The following RNF207 variants were observed in gnomAD, a reference collection of about 807,000 sequenced individuals.
RNF207 encodes ring finger protein 207, also known as OTTHUMG00000001089.
Under a neutral mutation model 79.0 loss-of-function variants are expected in RNF207, and 72 were observed. That is an observed-to-expected ratio of 0.91 (90% CI 0.75 to 1.11). The LOEUF is 1.11. Among genes scored for constraint, RNF207 ranks in the 50% least tolerant of loss-of-function variants. RNF207 has a pLI of 0.00. For synonymous variants in RNF207, 348 were observed against 366.2 expected, an observed-to-expected ratio of 0.95 and a Z score of 0.57; for missense variants, 936 against 855.8, an observed-to-expected ratio of 1.09 and a Z score of -1.17.
At chr1:6,208,562 C>G (rs912829763) in intron 3 of RNF207, 1 of 331,080 alleles carries the variant, frequency 3.0e-6, no homozygotes, top group East Asian at 7.3e-5. Context: ...CCGCCTCGGC[C>G]TCCCAAATTG....
Position 6,213,198 on chromosome 1 carries a change from G to A in RNF207, c.1652+15G>A, listed in dbSNP as rs1178373346. 5.2e-6 allele frequency: 8 copies of A among 1,531,882 alleles called. No individual in the cohort carries two copies. In the South Asian group the frequency reaches 5.6e-5, roughly 11 times the overall value. 94.9% of individuals were successfully genotyped at this position (1,531,882 alleles called of 1,614,324 possible). ...CTGGAGCCCAGGTGAGGCCAAGGGG[G>A]TGTTCCCAGGGCCACTGAGACTCTT... On this transcript the variant is annotated intron_variant, in intron 16 of 17. Transcript: ENST00000377939.
At chr1:6,218,405 G>T in intron 17 of RNF207, 36 bp downstream of exon 17, 1 of 1,492,018 alleles carries the variant, frequency 6.7e-7, no homozygotes. Flanking sequence ...GTGTGCACGC[G>T]ATGTGGCTTC....
At chr1:6,215,085 A>G (rs1327004827) in intron 16 of RNF207, among the ~76,000 whole-genome samples, 4 of 149,584 alleles carry the variant, frequency 2.7e-5, no homozygotes, top group African/African-American at 4.9e-5. Context: ...CTGGAGTGCA[A>G]TGATGTGATC....
At chr1:6,212,507 C>CT in intron 14 of RNF207, 91 bp downstream of exon 14, 1 of 1,349,698 alleles carries the variant, frequency 7.4e-7, no homozygotes, top group Non-Finnish European at 1.0e-6. Context: ...AGGACCTGGC[C>CT]TGTACCCCAC....
intron 1 of RNF207, 47 bp downstream of exon 1, chr1:6,206,349 C>G (rs1667897519): frequency 1.7e-6 from 1 of 579,354 alleles, no homozygotes; most frequent in East Asian, 3.0e-5. Flanking sequence ...GCCTGTTCTC[C>G]CTGCGCCGGG....
In RNF207 at chr1:6,211,230, C is replaced by A. The variant is rs1358201129; in HGVS notation, c.1109+112C>A. On this transcript the variant is annotated intron_variant, in intron 12 of 17. Coordinates refer to ENST00000377939, the MANE Select transcript of RNF207 (RefSeq NM_207396.3). This position sits in a 1 kb window ranked among gnomAD's most constrained non-coding sequence, Gnocchi z 4.2. ...AAGAAGCCAGGTGCCACCATTCCTT[C>A]CTCCGTCCTTAGCTCGCCACCCTCC... The A allele has an allele frequency of 1.4e-6, 1 of 726,266 alleles. No homozygotes were observed. Among genetic ancestry groups the A allele is most frequent in the East Asian group, 2.7e-5 (1 of 36,832 alleles). 45.0% of individuals were successfully genotyped at this position (726,266 alleles called of 1,614,324 possible).
At position 6,215,116 on chromosome 1, in the gene RNF207, C is replaced by T. The variant is rs545233094; in HGVS notation, c.1652+1933C>T. ...TGATCTTGGCTAACCACAACCTCCGCCTACTTGGTTCAAGCCATTCTCCAG... is the reference window on the plus strand; with the variant it reads ...TGATCTTGGCTAACCACAACCTCCGTCTACTTGGTTCAAGCCATTCTCCAG... On this transcript the variant is annotated intron_variant, in intron 16 of 17. Coordinates refer to ENST00000377939, the MANE Select transcript of RNF207 (RefSeq NM_207396.3). Among the ~76,000 whole-genome samples, 6 of 151,694 alleles carry T rather than the reference C, an allele frequency of 4.0e-5. No individual in the cohort carries two copies. In the East Asian group the frequency reaches 1.2e-3, roughly 30 times the overall value.
At position 6,212,417 on chromosome 1, in the gene RNF207, G is replaced by T. The variant is rs375144532; in HGVS notation, c.1482+1G>T. ...GGGCATGAGGGTCGTCTTCCAGGAG[G>T]TAGCCCTCCCAAGGACTCTAACTCC... On this transcript the variant is annotated splice_donor_variant, in intron 14 of 17. Transcript: ENST00000377939. LOFTEE classifies it high-confidence loss of function. 6.2e-7 allele frequency: 1 copy of T among 1,605,536 alleles called. No homozygotes were observed. The highest frequency in any genetic ancestry group is 1.3e-5 in the African/African-American group (1 of 74,766).
At chr1:6,210,190 C>T (rs1255260639) in intron 8 of RNF207, 33 bp from the exon 9 acceptor site, 23 of 1,577,930 alleles carry the variant, frequency 1.5e-5, no homozygotes, top group African/African-American at 2.7e-5. Context: ...CTGCTCCTGG[C>T]CCCCTGGAAA....
At chr1:6,213,245 G>A in intron 16 of RNF207, 62 bp downstream of exon 16, 2 of 1,114,124 alleles carry the variant, frequency 1.8e-6, no homozygotes, top group South Asian at 1.3e-5. Flanking sequence ...TGGGGGCTGG[G>A]TGCGGTGGCT....
intron 16 of RNF207, among the ~76,000 whole-genome samples, chr1:6,215,611 C>T (rs1668337335): frequency 6.6e-6 from 1 of 152,056 alleles, no homozygotes; most frequent in African/African-American, 2.4e-5. Flanking sequence ...TTTATTTTTT[C>T]CTTTTGGAAT....
At position 6,212,749 on chromosome 1, in the gene RNF207, C is replaced by A. The variant is rs1668227361; in HGVS notation, c.1534+16C>A. On this transcript the variant is annotated intron_variant, in intron 15 of 17. Transcript: ENST00000377939. Reference sequence around the variant, plus strand: ...ATTTATGAAGGTTCCAGACAGTTGGCTGCCGAGTGAACCCTCTGTCCCTGA... The same window carrying A: ...ATTTATGAAGGTTCCAGACAGTTGGATGCCGAGTGAACCCTCTGTCCCTGA... 3 of 1,607,342 alleles carry A rather than the reference C, an allele frequency of 1.9e-6. No homozygotes were observed. Among genetic ancestry groups the A allele is most frequent in the Admixed American group, 3.3e-5 (2 of 59,990 alleles).
At position 6,212,254 on chromosome 1, in the gene RNF207, C is replaced by T. The variant is rs1156749539; in HGVS notation, c.1320C>T (p.Ser440=). 2.4e-5 allele frequency: 39 copies of T among 1,613,290 alleles called. No individual in the cohort carries two copies. The highest frequency in any genetic ancestry group is 3.3e-5 in the Non-Finnish European group (39 of 1,179,736). ...AGCACCTGCAGGCAGAGATGCAGAG[C>T]CTAAAGGACCAGGTACAGGAGCTGC... is the stretch of plus-strand genomic sequence containing the variant. The part of the protein sequence containing the change: ...SYRHLQAEMQ[S]LKDQVQELHR... Residue 440 remains serine, a synonymous_variant, in exon 14 of 18, where the codon AGC becomes AGT. Coordinates refer to ENST00000377939, the MANE Select transcript of RNF207 (RefSeq NM_207396.3).
rs1449108736 is a variant in RNF207 at position 6,212,404 on chromosome 1, C to T, written c.1470C>T (p.Val490=). The T allele has an allele frequency of 4.4e-6, 7 of 1,609,014 alleles. No homozygotes were observed. The highest frequency in any genetic ancestry group is 1.3e-5 in the African/African-American group (1 of 74,778). ...ACGCCTCCTTAGAGGGCATGAGGGTCGTCTTCCAGGAGGTAGCCCTCCCAA... is the reference window on the plus strand; with the variant it reads ...ACGCCTCCTTAGAGGGCATGAGGGTTGTCTTCCAGGAGGTAGCCCTCCCAA... ...SEHASLEGMR[V]VFQEIWEEAY... Residue 490 remains valine (V), a synonymous_variant, in exon 14 of 18, where the codon GTC becomes GTT. Coordinates refer to ENST00000377939, the MANE Select transcript of RNF207 (RefSeq NM_207396.3).
In RNF207 at chr1:6,211,918, C is replaced by T. The variant is rs1668182490; in HGVS notation, c.1161C>T (p.Ser387=). 6.4e-7 allele frequency: 1 copy of T among 1,551,104 alleles called. No homozygotes were observed. The highest frequency in any genetic ancestry group is 8.7e-7 in the Non-Finnish European group (1 of 1,147,470). ...PKALTGPHCP[S]PVGKMSGSPV... ...CGCTGACGGGGCCCCACTGCCCCTCCCCAGTAGGAAAGATGTCGGGGTCAC... is the reference window on the plus strand; with the variant it reads ...CGCTGACGGGGCCCCACTGCCCCTCTCCAGTAGGAAAGATGTCGGGGTCAC... Residue 387 remains serine, a synonymous_variant, in exon 13 of 18, where the codon TCC becomes TCT. Coordinates refer to ENST00000377939, the MANE Select transcript of RNF207 (RefSeq NM_207396.3). This position sits in a 1 kb window ranked among gnomAD's most constrained non-coding sequence, Gnocchi z 4.2.
rs747273582 is a variant in RNF207, at chr1:6,206,589, G to A, written c.54G>A (p.Pro18=). 3.8e-5 allele frequency: 61 copies of A among 1,604,014 alleles called. No homozygotes were observed. In the South Asian group the frequency reaches 5.9e-4, roughly 16 times the overall value. The change falls in exon 2 of 18, where the codon CCG becomes CCA. Residue 18 remains proline (P), a synonymous_variant. Transcript: ENST00000377939. ...PLEGPSSLDA[P]SIHPLVCPLC... ...AGGGCCCGAGCTCCCTGGATGCCCC[G>A]AGCATCCACCCGCTGGTGTGCCCGC...
Position 6,208,912 on chromosome 1 carries a change from G to C in RNF207, c.356G>C (p.Cys119Ser). 6.5e-7 allele frequency: 1 copy of C among 1,533,716 alleles called. No homozygotes were observed. The highest frequency in any genetic ancestry group is 1.2e-5 in the South Asian group (1 of 83,940). ...DVETTYFCNT[C>S]GQPLCARCRD... Reference sequence around the variant, plus strand: ...GAGACCACGTACTTCTGCAACACGTGCGGACAGCCCCTATGCGCGCGCTGC... The same window carrying C: ...GAGACCACGTACTTCTGCAACACGTCCGGACAGCCCCTATGCGCGCGCTGC... Residue 119 changes from cysteine (C) to serine (S), a missense_variant, in exon 4 of 18, where the codon TGC (cysteine) becomes TCC (serine). Physicochemically the swap from Cys to Ser is moderately radical, Grantham distance 112. Coordinates refer to ENST00000377939, the MANE Select transcript of RNF207 (RefSeq NM_207396.3).
chr1:6,216,562 C>CT (rs60430154), intron 16 of RNF207, among the ~76,000 whole-genome samples: 17,839 of 139,848 alleles, frequency 0.13, 2,513 homozygotes, highest in African/African-American at 0.35. Flanking sequence ...CCATATTCAT[C>CT]TTTTTTTTTT....
Position 6,217,205 on chromosome 1 carries a change from G to A in RNF207, c.1653-1084G>A, listed in dbSNP as rs114676246. ...ACACCTTCTCTTTGCTGACAGCCCC[G>A]CGCTCCCATGCTCCTGCCAGCCTCT... is the stretch of plus-strand genomic sequence containing the variant. On this transcript the variant is annotated intron_variant, in intron 16 of 17. Transcript: ENST00000377939. The surrounding 1 kb of genome is among the most constrained non-coding windows in gnomAD (Gnocchi z 4.2). Among the ~76,000 whole-genome samples the A allele has an allele frequency of 0.012, 1,892 of 152,156 alleles. 42 individuals are homozygous for A. Among genetic ancestry groups the A allele is most frequent in the African/African-American group, 0.043 (1,796 of 41,512 alleles).
Sources: allele counts gnomAD v4.1 joint callset (sites outside exome capture counted in the v4.1 genomes callset), GRCh38; gene constraint gnomAD v4.1.1; non-coding constraint Gnocchi (gnomAD v3.1); transcripts MANE v1.5; gene names NCBI Gene and HGNC (gene_info 2026-07-23, HGNC 2026-07-21).